The following PLCXD1 variants were observed in gnomAD, a reference collection of about 807,000 sequenced individuals.
PLCXD1 encodes phosphatidylinositol specific phospholipase C X domain containing 1, also known as PI-PLC X domain-containing protein 1.
Under a neutral mutation model 37.8 loss-of-function variants are expected in PLCXD1, and 45 were observed. The observed-to-expected ratio is 1.19, with a 90% CI of 0.94 to 1.53. The LOEUF is 1.53. Among genes scored for constraint, PLCXD1 ranks in the 40% most tolerant of loss-of-function variants. The pLI is 0.00. For missense variants in PLCXD1, 539 were observed against 454.7 expected (o/e 1.19, Z -1.69); for synonymous variants, 246 against 206.9 (o/e 1.19, Z -1.62).
At chrX:278,992 T>C (rs1227442061), upstream of PLCXD1, among the ~76,000 whole-genome samples, 1 of 152,142 alleles carries the variant, frequency 6.6e-6, no homozygotes, top group African/African-American at 2.4e-5. Flanking sequence ...GCAAGTGGGC[T>C]GAGTCCGAAG....
At chrX:286,482 TAAAG>T (rs2069454513) in intron 2 of PLCXD1, among the ~76,000 whole-genome samples, 1 of 152,102 alleles carries the variant, frequency 6.6e-6, no homozygotes, top group Non-Finnish European at 1.5e-5. Context: ...GACACCGGAT[TAAAG>T]AAAGAAGAGG....
chrX:286,091 T>C (rs1278789961), intron 2 of PLCXD1, among the ~76,000 whole-genome samples: 1 of 150,410 alleles, frequency 6.6e-6, no homozygotes, highest in Non-Finnish European at 1.5e-5. Flanking sequence ...TGAGACGGAG[T>C]TTTGCTCTTA....
upstream of PLCXD1, among the ~76,000 whole-genome samples, chrX:278,221 G>A (rs1427706955): frequency 6.6e-6 from 1 of 151,582 alleles, no homozygotes; most frequent in African/African-American, 2.4e-5. Context: ...AGTGGTCAGG[G>A]GACCTGGGAT....
chrX:293,644 A>G (rs1194675242), intron 6 of PLCXD1, among the ~76,000 whole-genome samples: 4 of 152,022 alleles, frequency 2.6e-5, no homozygotes, highest in Non-Finnish European at 2.9e-5. Flanking sequence ...TGGCGGGGGG[A>G]GGGATCAACA....
At chrX:295,124 G>A (rs912232799) in intron 6 of PLCXD1, among the ~76,000 whole-genome samples, 6 of 150,812 alleles carry the variant, frequency 4.0e-5, no homozygotes, top group African/African-American at 7.3e-5. Context: ...AGCCGAAATC[G>A]CGCCACAGCA....
At chrX:284,551 T>C (rs2069383090) in intron 2 of PLCXD1, among the ~76,000 whole-genome samples, 1 of 150,778 alleles carries the variant, frequency 6.6e-6, no homozygotes, top group Non-Finnish European at 1.5e-5. Flanking sequence ...CACACAGGCA[T>C]GCACACATGT....
intron 5 of PLCXD1, among the ~76,000 whole-genome samples, chrX:292,751 G>T (rs373751189): frequency 2.0e-4 from 31 of 152,016 alleles, no homozygotes; most frequent in African/African-American, 7.0e-4. Context: ...TAGCCGGGAT[G>T]ACAGGCGTGC....
Position 293,218 on chromosome X carries a change from G to A in PLCXD1, c.733G>A (p.Gly245Arg), listed in dbSNP as rs1292659253. The A allele has an allele frequency of 6.2e-7, 1 of 1,607,534 alleles. No individual in the cohort carries two copies. Among genetic ancestry groups the A allele is most frequent in the Non-Finnish European group, 8.5e-7 (1 of 1,176,314 alleles). ...GACCATGAAGAGCTGCGGCCGCCCA[G>A]GTACCAGGTCGCCCCTCGTGGGGGT... The part of the protein sequence containing the change: ...LETMKSCGRP[G>R]GLFVAGINLT... The change falls in exon 6 of 7, where the codon GGA (glycine) becomes AGA (arginine). Residue 245 changes from glycine to arginine, a missense_variant and splice_region_variant. Gly to Arg is a moderately radical substitution (Grantham distance 125, BLOSUM62 -2). Coordinates refer to ENST00000381657, the MANE Select transcript of PLCXD1 (RefSeq NM_018390.4).
chrX:296,117 TTG>T (rs1373023969), intron 6 of PLCXD1, among the ~76,000 whole-genome samples: 3 of 147,114 alleles, frequency 2.0e-5, no homozygotes, highest in African/African-American at 7.6e-5. Context: ...CGGCCTTTTT[TTG>T]TTTGTTTTGT....
rs930429702 is a variant in PLCXD1, at chrX:286,317, G to C, written c.127+2003G>C. Among the ~76,000 whole-genome samples, 11 of 152,078 alleles carry C rather than the reference G, an allele frequency of 7.2e-5. No homozygotes were observed. In the East Asian group the frequency reaches 7.7e-4, roughly 11 times the overall value. ...CGACCTCAGGCAATCCACCTGCCTC[G>C]GCCTCCCAAAGTGCTGGCATTGCAG... On this transcript the variant is annotated intron_variant, in intron 2 of 6. Transcript: ENST00000381657.
At chrX:292,437 A>C (rs904430592) in intron 5 of PLCXD1, among the ~76,000 whole-genome samples, 20 of 151,840 alleles carry the variant, frequency 1.3e-4, no homozygotes, top group Non-Finnish European at 2.4e-4. Context: ...CCAGCCTGGG[A>C]GACAGAGCGA....
At chrX:286,901 A>G (rs2124337717) in intron 2 of PLCXD1, among the ~76,000 whole-genome samples, 1 of 151,814 alleles carries the variant, frequency 6.6e-6, no homozygotes, top group South Asian at 2.1e-4. Flanking sequence ...CTCCTTCCTT[A>G]ACACCTTAGC....
In PLCXD1 at chrX:284,268, G is replaced by C. The variant is rs1384891441; in HGVS notation, c.81G>C (p.Leu27=). 3.7e-6 allele frequency: 6 copies of C among 1,613,552 alleles called. No homozygotes were observed. Among genetic ancestry groups the C allele is most frequent in the Middle Eastern group, 1.7e-4 (1 of 5,736 alleles). Residue 27 remains leucine (L), a synonymous_variant, in exon 2 of 7, where the codon CTG becomes CTC. Transcript: ENST00000381657. The part of the protein sequence containing the change: ...RNANEDWMSA[L]CPRLWDVPLH... ...CCAACGAGGACTGGATGTCGGCACT[G>C]TGTCCCCGGCTCTGGGATGTGCCCC...
chrX:292,445 C>T (rs2069668663), intron 5 of PLCXD1, among the ~76,000 whole-genome samples: 1 of 151,656 alleles, frequency 6.6e-6, no homozygotes, highest in Non-Finnish European at 1.5e-5. Flanking sequence ...GGAGACAGAG[C>T]GAGATCCGTC....
chrX:285,362 A>G (rs2069417769), intron 2 of PLCXD1, among the ~76,000 whole-genome samples: 2 of 148,798 alleles, frequency 1.3e-5, no homozygotes, highest in Admixed American at 1.3e-4. Context: ...ACATGTACAC[A>G]CATGCACACA....
At chrX:284,012 G>C (rs1347621072) in intron 1 of PLCXD1, 155 bp from the exon 2 acceptor site, 5 of 627,102 alleles carry the variant, frequency 8.0e-6, no homozygotes, top group Admixed American at 5.5e-5. Flanking sequence ...CTCCCGAGTA[G>C]CTGGGATGAC....
intron 5 of PLCXD1, among the ~76,000 whole-genome samples, chrX:292,176 C>T (rs905707003): frequency 9.3e-5 from 14 of 151,274 alleles, no homozygotes; most frequent in African/African-American, 3.2e-4. Context: ...GGTGGGTGTG[C>T]CGGACGCAGT....
intron 4 of PLCXD1, among the ~76,000 whole-genome samples, chrX:291,077 G>A (rs923625768): frequency 1.3e-5 from 2 of 152,056 alleles, no homozygotes; most frequent in Non-Finnish European, 2.9e-5. Flanking sequence ...TTTAATGGAA[G>A]GGTGACGTCA....
At position 302,452 on chromosome X, in the gene PLCXD1, G is replaced by C. The variant is rs1044909953; in HGVS notation, c.*3117G>C. Reference sequence around the variant, plus strand: ...CTTGTTGTTCAGGCTGGAGTGCAATGGCACGATCTCAGCTCACTGCAACCT... The same window carrying C: ...CTTGTTGTTCAGGCTGGAGTGCAATCGCACGATCTCAGCTCACTGCAACCT... On this transcript the variant is annotated 3_prime_UTR_variant, in exon 7 of 7. Transcript: ENST00000381657. 3 of 152,158 alleles carry C rather than the reference G, an allele frequency of 2.0e-5. No individual in the cohort carries two copies. The highest frequency in any genetic ancestry group is 7.2e-5 in the African/African-American group (3 of 41,412). The allele number at this position is 152,158 out of a possible 1,614,324, so 9.4% of individuals were successfully genotyped here.
Sources: allele counts gnomAD v4.1 joint callset (sites outside exome capture counted in the v4.1 genomes callset), GRCh38; gene constraint gnomAD v4.1.1; transcripts MANE v1.5; gene names NCBI Gene and HGNC (gene_info 2026-07-23, HGNC 2026-07-21).